The following LINGO1 variants were observed in gnomAD, a reference collection of about 807,000 sequenced individuals.
LINGO1 encodes leucine-rich repeat and immunoglobulin-like domain-containing nogo receptor-interacting protein 1.
In LINGO1, 11 loss-of-function variants were observed where a neutral mutation model predicts 37.3. The observed-to-expected ratio is 0.29, with a 90% CI of 0.19 to 0.49. The LOEUF (loss-of-function observed/expected upper bound fraction) is 0.49. Among genes scored for constraint, LINGO1 ranks in the 20% least tolerant of loss-of-function variants. The pLI is 0.99. For synonymous variants in LINGO1, 387 were observed against 403.0 expected (o/e 0.96, Z 0.48); for missense variants, 585 against 878.2 (o/e 0.67, Z 4.22).
intron 1 of LINGO1, among the ~76,000 whole-genome samples, chr15:77,801,186 A>C (rs1159468909): frequency 6.6e-6 from 1 of 152,218 alleles, no homozygotes; most frequent in Non-Finnish European, 1.5e-5. Context: ...AAATAATAGC[A>C]CAAGCATTCA....
At chr15:77,810,286 G>C (rs2076994310) in intron 1 of LINGO1, among the ~76,000 whole-genome samples, 1 of 149,394 alleles carries the variant, frequency 6.7e-6, no homozygotes, top group Non-Finnish European at 1.5e-5. Context: ...ACATACACAA[G>C]CACACACACA....
At chr15:77,681,834 T>C (rs2075419239) in intron 2 of LINGO1, among the ~76,000 whole-genome samples, 1 of 152,060 alleles carries the variant, frequency 6.6e-6, no homozygotes, top group Non-Finnish European at 1.5e-5. Context: ...CCATTGCCAC[T>C]GTGGTTGTCA....
At chr15:77,649,326 GTAAGACAGAGGACTT>G (rs2074706483) in intron 3 of LINGO1, 1 of 152,236 alleles carries the variant, frequency 6.6e-6, no homozygotes, top group Admixed American at 6.5e-5. Flanking sequence ...CCATTCTTTG[GTAAGACAGAGGACTT>G]TATGAAAGAT....
chr15:77,785,458 G>A (rs779333145), intron 1 of LINGO1, among the ~76,000 whole-genome samples: 2 of 152,110 alleles, frequency 1.3e-5, no homozygotes, highest in Admixed American at 1.3e-4. Flanking sequence ...GCTAAATCCT[G>A]CCCCTCCCTG....
intron 1 of LINGO1, among the ~76,000 whole-genome samples, chr15:77,745,294 T>C (rs571849065): frequency 1.6e-3 from 242 of 151,746 alleles, no homozygotes; most frequent in Non-Finnish European, 1.6e-3. Flanking sequence ...GGCGTGGTGG[T>C]GGGCGCTTGT....
intron 2 of LINGO1, among the ~76,000 whole-genome samples, chr15:77,728,680 A>C (rs1349013265): frequency 6.6e-6 from 1 of 152,176 alleles, no homozygotes; most frequent in Non-Finnish European, 1.5e-5. Context: ...CTCCCTCACT[A>C]GCCCTTGGGA....
At chr15:77,793,476 C>T (rs1399291053) in intron 2 of LINGO1, among the ~76,000 whole-genome samples, 1 of 152,160 alleles carries the variant, frequency 6.6e-6, no homozygotes, top group Non-Finnish European at 1.5e-5. Flanking sequence ...CCAGCCCTGG[C>T]CCTGCCACTC....
At chr15:77,814,098 G>C (rs1041081926) in intron 1 of LINGO1, among the ~76,000 whole-genome samples, 3 of 152,156 alleles carry the variant, frequency 2.0e-5, no homozygotes, top group African/African-American at 4.8e-5. Flanking sequence ...GCTGAGACTG[G>C]CTACCAGTCC....
intron 2 of LINGO1, among the ~76,000 whole-genome samples, chr15:77,688,007 C>T (rs73457862): frequency 0.027 from 4,112 of 152,272 alleles, 192 homozygotes; most frequent in African/African-American, 0.095. Context: ...ACCTTGCTGA[C>T]GCTCCTGTCT....
At chr15:77,708,264 A>G (rs1170843701) in intron 2 of LINGO1, among the ~76,000 whole-genome samples, 1 of 152,222 alleles carries the variant, frequency 6.6e-6, no homozygotes, top group Non-Finnish European at 1.5e-5. Flanking sequence ...GAAGGAGGAC[A>G]GACACTTTAC....
intron 1 of LINGO1, chr15:77,696,059 C>G (rs1008145761): frequency 6.6e-6 from 1 of 152,180 alleles, no homozygotes; most frequent in Admixed American, 6.5e-5. Flanking sequence ...GAGGAAACTA[C>G]ACGCTTGAAG....
chr15:77,665,564 G>A (rs1222757555), intron 3 of LINGO1, among the ~76,000 whole-genome samples: 5 of 152,198 alleles, frequency 3.3e-5, no homozygotes, highest in Admixed American at 6.5e-5. Context: ...GTGCCCTTCA[G>A]GCCAGCCCAA....
intron 3 of LINGO1, among the ~76,000 whole-genome samples, chr15:77,676,062 G>A (rs1034358165): frequency 6.6e-6 from 1 of 152,252 alleles, no homozygotes; most frequent in African/African-American, 2.4e-5. Context: ...GAGCCAGAGG[G>A]GGGAAGACGA....
chr15:77,804,426 A>C (rs1442076839), intron 1 of LINGO1, among the ~76,000 whole-genome samples: 1 of 152,064 alleles, frequency 6.6e-6, no homozygotes, highest in African/African-American at 2.4e-5. Flanking sequence ...CAGAGAGGGG[A>C]GGGAGCTGTC....
chr15:77,661,079 C>G (rs1290050648), intron 3 of LINGO1, among the ~76,000 whole-genome samples: 1 of 152,020 alleles, frequency 6.6e-6, no homozygotes, highest in East Asian at 1.9e-4. Flanking sequence ...CAATGCTGGG[C>G]AAAGGCGAGC....
intron 1 of LINGO1, among the ~76,000 whole-genome samples, chr15:77,625,892 CGGAGAGTTCAG>C (rs2074074400): frequency 6.6e-6 from 1 of 152,110 alleles, no homozygotes; most frequent in Admixed American, 6.5e-5. Flanking sequence ...CTGCTGGGGG[CGGAGAGTTCAG>C]GGAGAGGGAA....
At chr15:77,686,909 T>C (rs1003929062) in intron 2 of LINGO1, among the ~76,000 whole-genome samples, 1 of 152,242 alleles carries the variant, frequency 6.6e-6, no homozygotes, top group African/African-American at 2.4e-5. Flanking sequence ...GGATCATGGC[T>C]GATTCCTCTA....
intron 1 of LINGO1, among the ~76,000 whole-genome samples, chr15:77,755,508 G>A (rs187780266): frequency 2.8e-4 from 43 of 152,294 alleles, no homozygotes; most frequent in Admixed American, 2.4e-3. Context: ...CCCTGACCCC[G>A]CATTTCTTTA....
At chr15:77,819,765 G>T (rs972931698) in intron 1 of LINGO1, among the ~76,000 whole-genome samples, 9 of 150,330 alleles carry the variant, frequency 6.0e-5, no homozygotes, top group Non-Finnish European at 1.0e-4. Flanking sequence ...CCCGGCTCCC[G>T]CACCCTGCCT....
Sources: gnomAD v4.1 joint callset for allele counts (sites outside exome capture counted in the v4.1 genomes callset) on GRCh38, gnomAD v4.1.1 for gene constraint, MANE v1.5 for transcripts, NCBI Gene and HGNC (gene_info 2026-07-23, HGNC 2026-07-21) for gene names.